Variants in SMAD5 observed in about 807,000 individuals in gnomAD.
The protein encoded by SMAD5 is MAD, mothers against decapentaplegic homolog 5.
SMAD5 carries 9 observed loss-of-function variants against 43.1 expected under a neutral mutation model. That is an observed-to-expected ratio of 0.21 (90% confidence interval 0.13 to 0.36). SMAD5 has a LOEUF of 0.36. Among genes scored for constraint, SMAD5 ranks in the 10% least tolerant of loss-of-function variants. The pLI is 1.00. For synonymous variants in SMAD5, 190 were observed against 192.4 expected (o/e 0.99, Z 0.10); for missense variants, 348 against 574.0 (o/e 0.61, Z 4.02).
intron 6 of SMAD5, among the ~76,000 whole-genome samples, chr5:136,173,167 C>T (rs1463742956): frequency 1.3e-5 from 2 of 152,032 alleles, no homozygotes; most frequent in African/African-American, 4.8e-5. Flanking sequence ...GTGGCTTCAC[C>T]ACCACTGCTC....
At position 136,182,645 on chromosome 5, in the gene SMAD5, A is replaced by G. The variant is rs952411010; in HGVS notation, c.*5165A>G. ...TTATGAAAATGTATTAGGTTTTACTATATTGTGCTTTTGAAAGCCATAACT... is the reference window on the plus strand; with the variant it reads ...TTATGAAAATGTATTAGGTTTTACTGTATTGTGCTTTTGAAAGCCATAACT... On this transcript the variant is annotated 3_prime_UTR_variant, in exon 8 of 8. Coordinates refer to ENST00000545279, the MANE Select transcript of SMAD5 (RefSeq NM_005903.7). The G allele has an allele frequency of 5.9e-5, 9 of 152,784 alleles. No individual in the cohort carries two copies. In the South Asian group the frequency reaches 1.2e-3, roughly 21 times the overall value. 9.5% of individuals were successfully genotyped at this position (152,784 alleles called of 1,614,324 possible).
chr5:136,168,079 G>C (rs964430230), intron 5 of SMAD5, among the ~76,000 whole-genome samples: 1 of 152,086 alleles, frequency 6.6e-6, no homozygotes, highest in African/African-American at 2.4e-5. Context: ...GACCTCACAT[G>C]ATCTGCCCAC....
chr5:136,136,969 T>A (rs1203671052), intron 1 of SMAD5, among the ~76,000 whole-genome samples: 3 of 151,954 alleles, frequency 2.0e-5, no homozygotes, highest in African/African-American at 7.3e-5. Context: ...AGTGCTGGGA[T>A]TACAGGTGTG....
chr5:136,149,016 C>T (rs886576836), intron 2 of SMAD5, among the ~76,000 whole-genome samples: 7 of 151,744 alleles, frequency 4.6e-5, no homozygotes, highest in African/African-American at 1.7e-4. Context: ...TTTCTAGCTC[C>T]CTAGAAGGCT....
intron 1 of SMAD5, among the ~76,000 whole-genome samples, chr5:136,139,956 T>A (rs1753018024): frequency 6.6e-6 from 1 of 151,924 alleles, no homozygotes; most frequent in Admixed American, 6.6e-5. Flanking sequence ...CAAGTGATTC[T>A]CCTGCCTTGG....
intron 1 of SMAD5, among the ~76,000 whole-genome samples, chr5:136,136,176 T>C (rs1752868969): frequency 6.6e-6 from 1 of 152,190 alleles, no homozygotes; most frequent in Admixed American, 6.5e-5. Flanking sequence ...CCTTGGAAGC[T>C]GACCCATGGC....
intron 1 of SMAD5, among the ~76,000 whole-genome samples, chr5:136,138,772 C>G (rs994552386): frequency 6.6e-6 from 1 of 152,162 alleles, no homozygotes; most frequent in African/African-American, 2.4e-5. Flanking sequence ...GGTTCCCAAG[C>G]CTCCTGCATG....
intron 1 of SMAD5, among the ~76,000 whole-genome samples, chr5:136,139,953 T>C (rs1753017862): frequency 6.6e-6 from 1 of 152,102 alleles, no homozygotes; most frequent in Non-Finnish European, 1.5e-5. Flanking sequence ...GCTCAAGTGA[T>C]TCTCCTGCCT....
chr5:136,162,837 C>A, intron 4 of SMAD5, among the ~76,000 whole-genome samples: 1 of 152,242 alleles, frequency 6.6e-6, no homozygotes, highest in Middle Eastern at 3.4e-3. Flanking sequence ...GTTTTACTTT[C>A]CAGTTTTAAA....
intron 3 of SMAD5, among the ~76,000 whole-genome samples, chr5:136,157,396 T>G (rs1225359521): frequency 6.6e-6 from 1 of 152,120 alleles, no homozygotes; most frequent in Non-Finnish European, 1.5e-5. Flanking sequence ...TTCCATAGAA[T>G]TGGTTGGGGG....
At chr5:136,161,626 C>T (rs189821543) in intron 4 of SMAD5, among the ~76,000 whole-genome samples, 13 of 152,234 alleles carry the variant, frequency 8.5e-5, no homozygotes, top group Non-Finnish European at 4.4e-5. Flanking sequence ...AAAATGAATC[C>T]TGGTTATCTT....
chr5:136,159,070 A>G (rs1753742010), intron 3 of SMAD5, among the ~76,000 whole-genome samples: 2 of 152,258 alleles, frequency 1.3e-5, no homozygotes, highest in Admixed American at 6.5e-5. Flanking sequence ...GGCAATGGTT[A>G]ACTTTAGTAA....
At chr5:136,170,456 T>A (rs1754177721) in intron 5 of SMAD5, among the ~76,000 whole-genome samples, 1 of 152,214 alleles carries the variant, frequency 6.6e-6, no homozygotes, top group Non-Finnish European at 1.5e-5. Flanking sequence ...TCTGTTCTTT[T>A]ATTTTATCAT....
Position 136,179,291 on chromosome 5 carries a change from C to T in SMAD5, c.*1811C>T, listed in dbSNP as rs2149784338. 1 of 152,304 alleles carries T rather than the reference C, an allele frequency of 6.6e-6. No individual in the cohort carries two copies. The highest frequency in any genetic ancestry group is 1.9e-4 in the East Asian group (1 of 5,162). The allele number at this position is 152,304 out of a possible 1,614,324, so 9.4% of individuals were successfully genotyped here. A position where few individuals can be genotyped will look rare whatever the true frequency, so the allele number is the denominator to read the frequency against. The stretch of plus-strand genomic sequence containing the variant: ...TTTCTCAGGAGCTGTCAAATGGACA[C>T]TTAATTATGACATGAGAATGAAGAA... On this transcript the variant is annotated 3_prime_UTR_variant, in exon 8 of 8. Transcript: ENST00000545279.
chr5:136,177,189 C>G (rs1474077310), intron 7 of SMAD5, 148 bp from the exon 8 acceptor site: 11 of 655,594 alleles, frequency 1.7e-5, no homozygotes, highest in Non-Finnish European at 3.0e-5. Flanking sequence ...ATGGTGAATA[C>G]TAAGACTGGT....
At position 136,174,361 on chromosome 5, in the gene SMAD5, G is replaced by A. The variant is rs769511890; in HGVS notation, c.998-15G>A. ...GATTCTTTTAGCTGACTCTTGTGATGTTTGTCTTTTTAAGGTGTTCATCTG... is the reference window on the plus strand; with the variant it reads ...GATTCTTTTAGCTGACTCTTGTGATATTTGTCTTTTTAAGGTGTTCATCTG... On this transcript the variant is annotated splice_polypyrimidine_tract_variant and intron_variant, in intron 6 of 7. Transcript: ENST00000545279. 4 of 1,608,872 alleles carry A rather than the reference G, an allele frequency of 2.5e-6. No homozygotes were observed. The Admixed American group carries it at 5.0e-5, about 20-fold the overall frequency.
chr5:136,144,664 A>G (rs1580766556), intron 1 of SMAD5, among the ~76,000 whole-genome samples: 2 of 151,342 alleles, frequency 1.3e-5, no homozygotes, highest in African/African-American at 4.8e-5. Flanking sequence ...GTACTTTAGG[A>G]TAGGTATGTT....
chr5:136,153,434 T>C (rs1156937495), intron 2 of SMAD5, among the ~76,000 whole-genome samples, 158 bp from the exon 3 acceptor site: 1 of 152,126 alleles, frequency 6.6e-6, no homozygotes, highest in African/African-American at 2.4e-5. Flanking sequence ...AGGAATCGAG[T>C]GGTCACAGAA....
At chr5:136,148,012 A>G (rs1256927234) in intron 2 of SMAD5, 106 bp downstream of exon 2, 1 of 151,844 alleles carries the variant, frequency 6.6e-6, no homozygotes, top group Non-Finnish European at 1.5e-5. Context: ...AAATGAAACC[A>G]CTGAAAAATG....
Sources: allele counts gnomAD v4.1 joint callset (sites outside exome capture counted in the v4.1 genomes callset), GRCh38; gene constraint gnomAD v4.1.1; transcripts MANE v1.5; gene names NCBI Gene and HGNC (gene_info 2026-07-23, HGNC 2026-07-21).